GCA: variants seen among roughly 807,000 people sequenced by gnomAD.
The protein encoded by GCA is grancalcin, EF-hand calcium-binding protein.
Under a neutral mutation model 32.6 loss-of-function variants are expected in GCA, and 30 were observed. That is an observed-to-expected ratio of 0.92 (90% CI 0.69 to 1.25). The LOEUF (loss-of-function observed/expected upper bound fraction) is 1.25, where lower values mean the gene tolerates loss of function less well. Among genes scored for constraint, GCA ranks in the 50% most tolerant of loss-of-function variants. GCA has a pLI of 0.00. For missense variants in GCA, 291 were observed against 266.8 expected (o/e 1.09, Z -0.63); for synonymous variants, 102 against 84.6 (o/e 1.21, Z -1.13).
intron 3 of GCA, among the ~76,000 whole-genome samples, chr2:162,354,717 C>T (rs1419017194): frequency 6.6e-6 from 1 of 152,190 alleles, no homozygotes; most frequent in Non-Finnish European, 1.5e-5. Context: ...TTTCTCAGAT[C>T]TAGGTTGGTT....
At chr2:162,323,117 G>A (rs1449777661) in intron 1 of GCA, among the ~76,000 whole-genome samples, 1 of 151,718 alleles carries the variant, frequency 6.6e-6, no homozygotes, top group African/African-American at 2.4e-5. Context: ...GTGTGAGATG[G>A]TATCTCATTG....
chr2:162,358,702 G>C (rs1436291943), intron 5 of GCA, among the ~76,000 whole-genome samples: 2 of 151,170 alleles, frequency 1.3e-5, no homozygotes, highest in Admixed American at 1.3e-4. Flanking sequence ...TATTCTTTAA[G>C]AACTATACAA....
Position 162,344,264 on chromosome 2 carries a change from T to G in GCA, c.16T>G (p.Tyr6Asp). Residue 6 changes from tyrosine (Y) to aspartate (D), a missense_variant, in exon 1 of 8, where the codon TAC (tyrosine) becomes GAC (aspartate). Tyr to Asp is a radical substitution (Grantham distance 160). Transcript: ENST00000437150. MAYPG[Y>D]GGGFGNFSIQ... ...CCCGCTCGTCATGGCCTACCCGGGA[T>G]ACGGAGGAGGGGTGAGTCCCAGCCG... 1 of 1,613,622 alleles carries G rather than the reference T, an allele frequency of 6.2e-7. No homozygotes were observed. Among genetic ancestry groups the G allele is most frequent in the Non-Finnish European group, 8.5e-7 (1 of 1,179,826 alleles).
chr2:162,344,194 C>G lies in GCA; in HGVS notation c.-55C>G. The stretch of plus-strand genomic sequence containing the variant: ...TGCACCTGCGCCTGTGCTTTTTCTC[C>G]CAGCACTGCGGACGCGACTCGAGGG... On this transcript the variant is annotated 5_prime_UTR_variant, in exon 1 of 8. Coordinates refer to ENST00000437150, the MANE Select transcript of GCA (RefSeq NM_012198.5). 1 of 1,606,988 alleles carries G rather than the reference C, an allele frequency of 6.2e-7. No homozygotes were observed. The highest frequency in any genetic ancestry group is 8.5e-7 in the Non-Finnish European group (1 of 1,174,036).
chr2:162,360,520 T>A lies in GCA; in HGVS notation c.*277T>A. The stretch of plus-strand genomic sequence containing the variant: ...AATTGATTTAAATAATGCTTAGCCT[T>A]AATTTTAGATAATGTAAATTTAGAG... On this transcript the variant is annotated 3_prime_UTR_variant, in exon 8 of 8. Coordinates refer to ENST00000437150, the MANE Select transcript of GCA (RefSeq NM_012198.5). 1.0e-6 allele frequency: 1 copy of A among 975,796 alleles called. No homozygotes were observed. The highest frequency in any genetic ancestry group is 1.3e-6 in the Non-Finnish European group (1 of 743,682). The allele number at this position is 975,796 out of a possible 1,614,324, so 60.4% of individuals were successfully genotyped here.
upstream of GCA, chr2:162,344,073 G>T: frequency 1.5e-6 from 1 of 668,608 alleles, no homozygotes; most frequent in South Asian, 1.7e-5. Context: ...AATCGGAACC[G>T]TGCAGGGCGG....
chr2:162,359,631 A>G, intron 7 of GCA, 79 bp downstream of exon 7: 1 of 656,812 alleles, frequency 1.5e-6, no homozygotes, highest in Middle Eastern at 2.7e-4. Flanking sequence ...GATCCCAAGT[A>G]CCAGTACTGG....
intron 1 of GCA, among the ~76,000 whole-genome samples, chr2:162,334,777 T>C (rs1237433345): frequency 6.6e-6 from 1 of 152,014 alleles, no homozygotes; most frequent in Non-Finnish European, 1.5e-5. Flanking sequence ...CAGGAGGTAC[T>C]CGATGCATAT....
chr2:162,372,199 AT>A, downstream of GCA: 1 of 941,284 alleles, frequency 1.1e-6, no homozygotes, highest in Admixed American at 2.7e-5. Flanking sequence ...TCATTAATCT[AT>A]ATTTGATTAG....
chr2:162,360,995 A>T lies in GCA; in HGVS notation c.*752A>T. ...AAATGGCATCCTGCTCTGAATCTAG[A>T]CTTTTTAGAAATGGCATATGTTTTT... On this transcript the variant is annotated 3_prime_UTR_variant, in exon 8 of 8. Transcript: ENST00000437150. 1 of 1,075,402 alleles carries T rather than the reference A, an allele frequency of 9.3e-7. No homozygotes were observed. Among genetic ancestry groups the T allele is most frequent in the African/African-American group, 1.6e-5 (1 of 61,248 alleles). 66.6% of individuals were successfully genotyped at this position (1,075,402 alleles called of 1,614,324 possible). A position where few individuals can be genotyped will look rare whatever the true frequency, so the allele number is the denominator to read the frequency against.
Position 162,360,957 on chromosome 2 carries a change from C to A in GCA, c.*714C>A. The A allele has an allele frequency of 8.8e-7, 1 of 1,131,048 alleles. No individual in the cohort carries two copies. Among genetic ancestry groups the A allele is most frequent in the Non-Finnish European group, 1.1e-6 (1 of 921,130 alleles). 70.1% of individuals were successfully genotyped at this position (1,131,048 alleles called of 1,614,324 possible). A position where few individuals can be genotyped will look rare whatever the true frequency, so the allele number is the denominator to read the frequency against. ...CTGCGTCCTATTTCATTAGTGAAGA[C>A]ATAGTTCACCTAAAATGGCATCCTG... is the stretch of plus-strand genomic sequence containing the variant. On this transcript the variant is annotated 3_prime_UTR_variant, in exon 8 of 8. Transcript: ENST00000437150.
chr2:162,336,830 G>T (rs1338117545), intron 1 of GCA, among the ~76,000 whole-genome samples: 1 of 151,670 alleles, frequency 6.6e-6, no homozygotes, highest in African/African-American at 2.4e-5. Context: ...TGTTTAATTT[G>T]GGCAGGGTTG....
chr2:162,362,637 A>T lies in GCA; in HGVS notation c.*2394A>T. ...AATAAACATTCAAATAGCTTGCTGT[A>T]AAGTTTTGTATCATACAAAATCTGT... On this transcript the variant is annotated 3_prime_UTR_variant, in exon 8 of 8. Coordinates refer to ENST00000437150, the MANE Select transcript of GCA (RefSeq NM_012198.5). 1 of 840,374 alleles carries T rather than the reference A, an allele frequency of 1.2e-6. No homozygotes were observed. Among genetic ancestry groups the T allele is most frequent in the Non-Finnish European group, 1.4e-6 (1 of 697,860 alleles). 52.1% of individuals were successfully genotyped at this position (840,374 alleles called of 1,614,324 possible).
rs200005656 is a variant in GCA, at chr2:162,351,025, G to A, written c.193-1313G>A. 5.3e-5 allele frequency among the ~76,000 whole-genome samples: 8 copies of A among 151,980 alleles called. No individual in the cohort carries two copies. In the East Asian group the frequency reaches 1.5e-3, roughly 29 times the overall value. ...TCTACAGCCATATCCTTTTTTGATG[G>A]GCCTCATAATTAATAATGCTCTATG... On this transcript the variant is annotated intron_variant, in intron 2 of 7. Coordinates refer to ENST00000437150, the MANE Select transcript of GCA (RefSeq NM_012198.5).
intron 1 of GCA, 113 bp downstream of exon 1, chr2:162,344,388 G>C (rs556438498): frequency 9.9e-7 from 1 of 1,005,026 alleles, no homozygotes; most frequent in South Asian, 1.4e-5. Context: ...TCCGCGCCTG[G>C]TACTCGGCGG....
In GCA at chr2:162,321,911, TATATATATATATATATATATATAC is replaced by T. The variant is rs1177535122; in HGVS notation, c.-31+2688_-31+2711del. On this transcript the variant is annotated intron_variant, in intron 1 of 4. Coordinates refer to the GCA transcript ENST00000429691. ...ATATATATATATATATATATATATA[TATATATATATATATATATATATAC>T]ACACATACATATAAACACTATATAA... 1.7e-3 allele frequency among the ~76,000 whole-genome samples: 180 copies of T among 105,012 alleles called. 3 individuals carry two copies. Among genetic ancestry groups the T allele is most frequent in the African/African-American group, 4.6e-3 (122 of 26,376 alleles). The allele number at this position is 105,012 out of a possible 152,430, so 68.9% of individuals were successfully genotyped here.
At chr2:162,365,041 G>A (rs1685706237), downstream of GCA, among the ~76,000 whole-genome samples, 1 of 151,362 alleles carries the variant, frequency 6.6e-6, no homozygotes, top group Admixed American at 6.6e-5. Context: ...TGTTACATGT[G>A]ATTTCATGAA....
rs757623211 is a variant in GCA at position 162,344,243 on chromosome 2, C to A, written c.-6C>A. 28 of 1,613,628 alleles carry A rather than the reference C, an allele frequency of 1.7e-5. No homozygotes were observed. The highest frequency in any genetic ancestry group is 2.4e-5 in the Non-Finnish European group (28 of 1,179,900). ...GGTGACGCTCGCTCCGCTCGTCCCGCTCGTCATGGCCTACCCGGGATACGG... is the reference window on the plus strand; with the variant it reads ...GGTGACGCTCGCTCCGCTCGTCCCGATCGTCATGGCCTACCCGGGATACGG... On this transcript the variant is annotated 5_prime_UTR_variant, in exon 1 of 8. Coordinates refer to ENST00000437150, the MANE Select transcript of GCA (RefSeq NM_012198.5).
intron 1 of GCA, among the ~76,000 whole-genome samples, chr2:162,332,338 T>A (rs6710466): frequency 0.049 from 6,910 of 142,336 alleles, 560 homozygotes; most frequent in African/African-American, 0.17. Flanking sequence ...TATATATATA[T>A]AATATATAAT....
Sources: gnomAD v4.1 joint callset for allele counts (sites outside exome capture counted in the v4.1 genomes callset) on GRCh38, gnomAD v4.1.1 for gene constraint, MANE v1.5 for transcripts, NCBI Gene and HGNC (gene_info 2026-07-23, HGNC 2026-07-21) for gene names.